SCARA5: variants seen among roughly 807,000 people sequenced by gnomAD.
SCARA5 encodes the protein scavenger receptor class A member 5.
Under a neutral mutation model 46.3 loss-of-function variants are expected in SCARA5, and 45 were observed. The ratio of observed to expected loss-of-function variants is 0.97; its 90% confidence interval spans 0.76 to 1.24. The LOEUF (loss-of-function observed/expected upper bound fraction) is 1.24. SCARA5 is among the 50% of genes most tolerant of loss of function. The pLI is 0.00. For synonymous variants in SCARA5, 333 were observed against 306.5 expected (o/e 1.09, Z -0.90); for missense variants, 680 against 689.0 (o/e 0.99, Z 0.15).
At chr8:27,879,091 GA>G (rs956076030) in intron 8 of SCARA5, among the ~76,000 whole-genome samples, 1 of 151,900 alleles carries the variant, frequency 6.6e-6, no homozygotes, top group Admixed American at 6.5e-5. Flanking sequence ...TTCCCTCCTT[GA>G]AAAAAGAAAA....
chr8:27,938,070 G>A (rs957831725), intron 3 of SCARA5, among the ~76,000 whole-genome samples: 6 of 152,082 alleles, frequency 3.9e-5, no homozygotes, highest in East Asian at 1.9e-4. Flanking sequence ...GGGCAGTAAC[G>A]GCGGGTGCCC....
chr8:27,949,533 T>A (rs1808089551), intron 3 of SCARA5, among the ~76,000 whole-genome samples: 1 of 152,092 alleles, frequency 6.6e-6, no homozygotes, highest in Non-Finnish European at 1.5e-5. Context: ...TGTGGGAGCA[T>A]GGGGGTCTTT....
intron 2 of SCARA5, among the ~76,000 whole-genome samples, chr8:27,971,570 C>T (rs1331857045): frequency 2.0e-5 from 3 of 152,182 alleles, no homozygotes; most frequent in Non-Finnish European, 4.4e-5. Context: ...ACAACCACTA[C>T]GACAACAACA....
chr8:27,894,926 C>T (rs940818581), intron 7 of SCARA5, among the ~76,000 whole-genome samples: 1 of 152,180 alleles, frequency 6.6e-6, no homozygotes, highest in African/African-American at 2.4e-5. Context: ...GGACTCACAG[C>T]ATTTGAGGGG....
intron 3 of SCARA5, among the ~76,000 whole-genome samples, chr8:27,958,988 G>A (rs528313234): frequency 1.6e-4 from 24 of 152,206 alleles, no homozygotes; most frequent in African/African-American, 5.5e-4. Context: ...ATCCCAGCAC[G>A]TTGGGAGGCC....
Position 27,966,482 on chromosome 8 carries a change from AGGGCCGACAGGGACCCCAGC to A in SCARA5, c.153_172del (p.Gln51HisfsTer32). 2 of 1,613,906 alleles carry A rather than the reference AGGGCCGACAGGGACCCCAGC, an allele frequency of 1.2e-6. No individual in the cohort carries two copies. Among genetic ancestry groups the A allele is most frequent in the Non-Finnish European group, 1.7e-6 (2 of 1,179,914 alleles). ...GTAGAGCCCCAGGACAGCATGCTTC[AGGGCCGACAGGGACCCCAGC>A]TGGGTACAGCAGATGCTTGCCCGCC... is the stretch of plus-strand genomic sequence containing the variant. On this transcript the variant is annotated frameshift_variant, in exon 3 of 9. Coordinates refer to ENST00000354914, the MANE Select transcript of SCARA5 (RefSeq NM_173833.6). LOFTEE classifies it high-confidence loss of function.
intron 4 of SCARA5, among the ~76,000 whole-genome samples, chr8:27,920,993 A>T (rs1314516415): frequency 6.8e-6 from 1 of 146,752 alleles, no homozygotes; most frequent in Non-Finnish European, 1.5e-5. Context: ...CAGAAAACAA[A>T]AAAACAAAAT....
At position 27,895,708 on chromosome 8, in the gene SCARA5, T is replaced by C. The variant is rs552618785; in HGVS notation, c.1153+9070A>G. On this transcript the variant is annotated intron_variant, in intron 7 of 8. Coordinates refer to ENST00000354914, the MANE Select transcript of SCARA5 (RefSeq NM_173833.6). ...GTTTCCAAAGTGCTGTGTCTCCACT[T>C]AGGGGTCAGACGGGGTACTTGGGAC... Among the ~76,000 whole-genome samples, 3 of 152,274 alleles carry C rather than the reference T, an allele frequency of 2.0e-5. No homozygotes were observed. In the South Asian group the frequency reaches 6.2e-4, roughly 32 times the overall value.
intron 8 of SCARA5, among the ~76,000 whole-genome samples, chr8:27,879,181 C>T (rs868649199): frequency 1.3e-5 from 2 of 152,142 alleles, no homozygotes; most frequent in South Asian, 2.1e-4. Flanking sequence ...AGAACATAGG[C>T]TGGCACACTG....
At chr8:27,939,661 C>T (rs557904981) in intron 3 of SCARA5, among the ~76,000 whole-genome samples, 1 of 152,144 alleles carries the variant, frequency 6.6e-6, no homozygotes, top group Non-Finnish European at 1.5e-5. Flanking sequence ...AACCCAATGG[C>T]CCATCCACCT....
At chr8:27,988,900 G>T (rs374009389) in intron 1 of SCARA5, among the ~76,000 whole-genome samples, 1 of 152,106 alleles carries the variant, frequency 6.6e-6, no homozygotes, top group Non-Finnish European at 1.5e-5. Context: ...ACCCAGAGGA[G>T]GCTGGGAGGA....
chr8:27,900,246 T>G (rs969481330), intron 7 of SCARA5, among the ~76,000 whole-genome samples: 6 of 152,138 alleles, frequency 3.9e-5, no homozygotes, highest in Non-Finnish European at 5.9e-5. Flanking sequence ...CCTAAACAGA[T>G]TCTCCCGGGC....
chr8:27,977,587 G>A (rs901857589), intron 2 of SCARA5, among the ~76,000 whole-genome samples: 5 of 152,128 alleles, frequency 3.3e-5, no homozygotes, highest in Admixed American at 6.5e-5. Flanking sequence ...ATGCCAGGGC[G>A]GTAGATGTTT....
At chr8:27,934,848 G>A (rs1296103133) in intron 3 of SCARA5, among the ~76,000 whole-genome samples, 2 of 152,226 alleles carry the variant, frequency 1.3e-5, no homozygotes, top group African/African-American at 4.8e-5. Context: ...GACTGCATAG[G>A]CCCAAGCCAA....
At chr8:27,918,031 T>C (rs1272911458) in intron 4 of SCARA5, among the ~76,000 whole-genome samples, 1 of 152,230 alleles carries the variant, frequency 6.6e-6, no homozygotes, top group Non-Finnish European at 1.5e-5. Context: ...GTCTCAGTTA[T>C]GTGCACTGCA....
intron 3 of SCARA5, among the ~76,000 whole-genome samples, chr8:27,962,577 G>T (rs2685405): frequency 2.6e-5 from 4 of 151,890 alleles, no homozygotes; most frequent in Admixed American, 6.6e-5. Context: ...GATGGACATG[G>T]GCTCTGAGCA....
intron 3 of SCARA5, among the ~76,000 whole-genome samples, chr8:27,934,966 T>G (rs1241664276): frequency 6.6e-6 from 1 of 152,250 alleles, no homozygotes. Flanking sequence ...CATCATACTT[T>G]GTCCAGTCTG....
At chr8:27,976,757 G>A (rs781645625) in intron 2 of SCARA5, among the ~76,000 whole-genome samples, 4 of 152,136 alleles carry the variant, frequency 2.6e-5, no homozygotes, top group South Asian at 2.1e-4. Context: ...TGCTACTTAC[G>A]CACGAAAAAC....
intron 3 of SCARA5, among the ~76,000 whole-genome samples, chr8:27,923,936 C>T (rs761901725): frequency 4.4e-4 from 67 of 152,188 alleles, no homozygotes; most frequent in Non-Finnish European, 8.8e-4. Context: ...TGATCCCCCA[C>T]CCCTTCCTCT....
Sources: allele counts gnomAD v4.1 joint callset (sites outside exome capture counted in the v4.1 genomes callset), GRCh38; gene constraint gnomAD v4.1.1; transcripts MANE v1.5; gene names NCBI Gene and HGNC (gene_info 2026-07-23, HGNC 2026-07-21).